The following SAMSN1 variants were observed in gnomAD, a reference collection of about 807,000 sequenced individuals.
The protein encoded by SAMSN1 is SAM domain, SH3 domain and nuclear localization signals 1, also known as SAM domain-containing protein SAMSN-1.
In SAMSN1, 31 loss-of-function variants were observed where a neutral mutation model predicts 42.0. The ratio of observed to expected loss-of-function variants is 0.74; its 90% confidence interval spans 0.55 to 1.00. The LOEUF is 1.00. Ranked by LOEUF, SAMSN1 falls within the 50% of genes least tolerant of loss-of-function variation. The probability of loss-of-function intolerance (pLI) is 0.00; values close to 1 mark genes in which losing one functional copy is unlikely to be tolerated. For synonymous variants in SAMSN1, 178 were observed against 151.9 expected, an observed-to-expected ratio of 1.17 and a Z score of -1.26; for missense variants, 464 against 439.4, an observed-to-expected ratio of 1.06 and a Z score of -0.50.
chr21:14,524,461 T>C (rs892156552), intron 1 of SAMSN1, among the ~76,000 whole-genome samples: 8 of 152,168 alleles, frequency 5.3e-5, no homozygotes, highest in African/African-American at 1.9e-4. Flanking sequence ...TCATATTTAG[T>C]CTTTATACTC....
At chr21:14,497,026 T>A (rs1986938913) in intron 7 of SAMSN1, among the ~76,000 whole-genome samples, 1 of 152,112 alleles carries the variant, frequency 6.6e-6, no homozygotes, top group African/African-American at 2.4e-5. Context: ...AATAACGCTT[T>A]CCTCCCTCCT....
chr21:14,649,026 C>T (rs1983774172), intron 1 of SAMSN1, among the ~76,000 whole-genome samples: 1 of 151,884 alleles, frequency 6.6e-6, no homozygotes, highest in African/African-American at 2.4e-5. Flanking sequence ...AACCCAAATG[C>T]CCAACAATGA....
intron 2 of SAMSN1, 146 bp from the exon 3 acceptor site, chr21:14,517,187 TA>T: frequency 1.5e-6 from 1 of 676,164 alleles, no homozygotes; most frequent in Non-Finnish European, 2.3e-6. Flanking sequence ...AATCCGGACA[TA>T]ACACATATTT....
chr21:14,521,298 A>G (rs139733326), intron 1 of SAMSN1, 77 bp from the exon 2 acceptor site: 98 of 936,528 alleles, frequency 1.0e-4, no homozygotes, highest in Non-Finnish European at 1.6e-4. Context: ...ATATTAGATT[A>G]TAGTTTAATA....
chr21:14,601,193 A>T (rs1159462328), intron 6 of SAMSN1, among the ~76,000 whole-genome samples: 1 of 152,172 alleles, frequency 6.6e-6, no homozygotes, highest in Non-Finnish European at 1.5e-5. Flanking sequence ...AGATACTACA[A>T]GGGCAATGTG....
chr21:14,550,373 T>G (rs1480403325), upstream of SAMSN1, among the ~76,000 whole-genome samples: 1 of 152,098 alleles, frequency 6.6e-6, no homozygotes, highest in Non-Finnish European at 1.5e-5. Context: ...GCAGTGACTT[T>G]TCTGCTTCTC....
chr21:14,504,524 T>G (rs1987315269), intron 5 of SAMSN1, among the ~76,000 whole-genome samples: 1 of 151,984 alleles, frequency 6.6e-6, no homozygotes. Context: ...AAAGGCAAGG[T>G]CTTTGAAATT....
At chr21:14,656,190 C>T (rs897735595) in intron 1 of SAMSN1, among the ~76,000 whole-genome samples, 3 of 151,712 alleles carry the variant, frequency 2.0e-5, no homozygotes, top group Non-Finnish European at 4.4e-5. Context: ...CAAAGGTATT[C>T]ATATAATTTG....
intron 2 of SAMSN1, among the ~76,000 whole-genome samples, chr21:14,554,857 T>C (rs554935326): frequency 6.6e-6 from 1 of 151,928 alleles, no homozygotes; most frequent in South Asian, 2.1e-4. Flanking sequence ...CACCATAATG[T>C]CTGGTTTATT....
chr21:14,532,581 G>A (rs1277131282), intron 1 of SAMSN1, among the ~76,000 whole-genome samples: 1 of 152,150 alleles, frequency 6.6e-6, no homozygotes, highest in African/African-American at 2.4e-5. Context: ...TGAAATATAA[G>A]AGTAGTGGTA....
At position 14,618,691 on chromosome 21, in the gene SAMSN1, T is replaced by TGC. The variant is rs71321939; in HGVS notation, c.157-2677_157-2676dup. On this transcript the variant is annotated intron_variant, in intron 2 of 15. Coordinates refer to the SAMSN1 transcript ENST00000647101. ...GTGTGTGTGTGTGTGTGTGTGTGTG[T>TGC]GCGCGCGCGCGCACGCGCGTGTGTG... is the stretch of plus-strand genomic sequence containing the variant. Among the ~76,000 whole-genome samples the TGC allele has an allele frequency of 5.1e-3, 80 of 15,774 alleles. No homozygotes were observed. In the East Asian group the frequency reaches 0.058, roughly 11 times the overall value. 10.3% of individuals were successfully genotyped at this position (15,774 alleles called of 152,430 possible).
At chr21:14,643,101 G>A in exon 2 of SAMSN1, 1 of 717,308 alleles carries the variant, frequency 1.4e-6, no homozygotes, top group Non-Finnish European at 2.6e-6. Context: ...GTTGCTCTGG[G>A]ATTGGCTCAT....
intron 2 of SAMSN1, among the ~76,000 whole-genome samples, chr21:14,625,314 A>G (rs1433977272): frequency 3.3e-5 from 5 of 152,150 alleles, no homozygotes; most frequent in Non-Finnish European, 4.4e-5. Flanking sequence ...AGGGTATTCA[A>G]TTAGGAAAAG....
chr21:14,542,989 A>T (rs749332273), intron 1 of SAMSN1, among the ~76,000 whole-genome samples: 2 of 152,144 alleles, frequency 1.3e-5, no homozygotes, highest in Non-Finnish European at 2.9e-5. Flanking sequence ...AGATAACAGT[A>T]CCTTGCATGT....
intron 2 of SAMSN1, among the ~76,000 whole-genome samples, chr21:14,636,264 T>C (rs1672519894): frequency 6.6e-6 from 1 of 152,132 alleles, no homozygotes; most frequent in African/African-American, 2.4e-5. Context: ...TATTATAAGG[T>C]TGGGTTATTT....
At chr21:14,614,962 C>G (rs1376864579) in intron 3 of SAMSN1, among the ~76,000 whole-genome samples, 1 of 152,140 alleles carries the variant, frequency 6.6e-6, no homozygotes, top group Non-Finnish European at 1.5e-5. Context: ...TTAATTCAAT[C>G]CTCCTTCTGT....
intron 2 of SAMSN1, among the ~76,000 whole-genome samples, chr21:14,579,413 A>G (rs1227433946): frequency 1.3e-5 from 2 of 152,196 alleles, no homozygotes. Flanking sequence ...ACCTACACAC[A>G]TCCACAAACA....
At chr21:14,519,239 T>C (rs1470276993) in intron 2 of SAMSN1, among the ~76,000 whole-genome samples, 2 of 152,008 alleles carry the variant, frequency 1.3e-5, no homozygotes, top group Admixed American at 1.3e-4. Flanking sequence ...TGTCATAGAG[T>C]AGTTATTTTT....
intron 2 of SAMSN1, among the ~76,000 whole-genome samples, chr21:14,575,054 T>C (rs192985326): frequency 9.5e-4 from 144 of 152,308 alleles, no homozygotes; most frequent in African/African-American, 3.3e-3. Flanking sequence ...AACTCTCTTG[T>C]CCACCCCTTC....
Sources: allele counts gnomAD v4.1 joint callset (sites outside exome capture counted in the v4.1 genomes callset), GRCh38; gene constraint gnomAD v4.1.1; transcripts MANE v1.5; gene names NCBI Gene and HGNC (gene_info 2026-07-23, HGNC 2026-07-21).